The following ADAMTSL3 variants were observed in gnomAD, a reference collection of about 807,000 sequenced individuals.
The protein encoded by ADAMTSL3 is ADAMTS like 3.
In ADAMTSL3, 128 loss-of-function variants were observed where a neutral mutation model predicts 201.7. The observed-to-expected ratio is 0.63, with a 90% CI of 0.55 to 0.73. The LOEUF (loss-of-function observed/expected upper bound fraction) is 0.73, where lower values mean the gene tolerates loss of function less well. Among genes scored for constraint, ADAMTSL3 ranks in the 30% least tolerant of loss-of-function variants. ADAMTSL3 has a pLI of 0.00. For synonymous variants in ADAMTSL3, 738 were observed against 748.4 expected (o/e 0.99, Z 0.23); for missense variants, 1,990 against 2,119.6 (o/e 0.94, Z 1.20).
intron 23 of ADAMTSL3, among the ~76,000 whole-genome samples, chr15:84,001,546 A>G (rs1050303818): frequency 2.6e-5 from 4 of 152,222 alleles, no homozygotes; most frequent in African/African-American, 9.6e-5. Flanking sequence ...TGTGACTCCA[A>G]AGGAGCTAGA....
At chr15:83,845,119 A>G (rs1319419147) in intron 7 of ADAMTSL3, among the ~76,000 whole-genome samples, 2 of 152,144 alleles carry the variant, frequency 1.3e-5, no homozygotes, top group Non-Finnish European at 2.9e-5. Context: ...CTCTTTCTCA[A>G]CGTTGAGCAC....
chr15:83,749,928 C>G (rs1230832632), intron 3 of ADAMTSL3, among the ~76,000 whole-genome samples: 3 of 152,182 alleles, frequency 2.0e-5, no homozygotes, highest in Non-Finnish European at 4.4e-5. Context: ...AAGTCCCTTT[C>G]CAGATGTAAC....
At chr15:83,771,743 A>G (rs1279885715) in intron 3 of ADAMTSL3, among the ~76,000 whole-genome samples, 2 of 152,238 alleles carry the variant, frequency 1.3e-5, no homozygotes, top group Non-Finnish European at 2.9e-5. Flanking sequence ...GAGTGTGCAG[A>G]TATCTCTTTG....
chr15:83,828,434 G>A (rs553483148), intron 6 of ADAMTSL3, among the ~76,000 whole-genome samples: 2 of 152,300 alleles, frequency 1.3e-5, no homozygotes, highest in East Asian at 1.9e-4. Flanking sequence ...GGGCTGAGAC[G>A]ATGGGGTTTT....
At chr15:84,031,555 T>A in intron 28 of ADAMTSL3, 123 bp downstream of exon 28, 1 of 814,200 alleles carries the variant, frequency 1.2e-6, no homozygotes, top group Non-Finnish European at 2.0e-6. Flanking sequence ...CAGTTTTCAA[T>A]TATGATTTAT....
intron 21 of ADAMTSL3, 114 bp downstream of exon 21, chr15:83,983,458 T>G: frequency 1.2e-6 from 1 of 846,588 alleles, no homozygotes; most frequent in Non-Finnish European, 1.7e-6. Flanking sequence ...CCAACAGGAT[T>G]CTTTAGGAAA....
intron 25 of ADAMTSL3, among the ~76,000 whole-genome samples, chr15:84,020,115 T>G (rs2068170815): frequency 6.6e-6 from 1 of 152,100 alleles, no homozygotes; most frequent in South Asian, 2.1e-4. Flanking sequence ...CTTGTAAAAC[T>G]GCACACCTGA....
intron 9 of ADAMTSL3, among the ~76,000 whole-genome samples, chr15:83,875,292 A>G (rs1486190445): frequency 2.6e-5 from 4 of 152,252 alleles, no homozygotes; most frequent in African/African-American, 9.6e-5. Flanking sequence ...AATGTCATTC[A>G]TCATAGGACT....
At chr15:83,870,656 A>G in intron 8 of ADAMTSL3, 146 bp from the exon 9 acceptor site, 3 of 653,960 alleles carry the variant, frequency 4.6e-6, no homozygotes, top group Middle Eastern at 4.3e-4. Flanking sequence ...TATCTATTCC[A>G]CCAATATCAA....
chr15:83,954,103 C>G (rs1382159796), intron 19 of ADAMTSL3, among the ~76,000 whole-genome samples: 1 of 152,146 alleles, frequency 6.6e-6, no homozygotes, highest in Non-Finnish European at 1.5e-5. Context: ...TCTGATATCC[C>G]TTTGAATAAT....
intron 2 of ADAMTSL3, among the ~76,000 whole-genome samples, chr15:83,699,624 A>G (rs1225817681): frequency 2.0e-5 from 3 of 152,200 alleles, no homozygotes; most frequent in East Asian, 3.8e-4. Flanking sequence ...TCTCCTTACC[A>G]TAAGGCTTTA....
intron 19 of ADAMTSL3, among the ~76,000 whole-genome samples, chr15:83,956,475 G>C (rs1452345836): frequency 6.6e-6 from 1 of 152,110 alleles, no homozygotes; most frequent in East Asian, 1.9e-4. Flanking sequence ...GGGAGTAGGG[G>C]GATGATCAAT....
intron 7 of ADAMTSL3, among the ~76,000 whole-genome samples, chr15:83,852,151 C>T (rs754357953): frequency 1.3e-5 from 2 of 151,950 alleles, no homozygotes; most frequent in Non-Finnish European, 1.5e-5. Flanking sequence ...CTTGCTCTGT[C>T]GCCCAGGCTG....
chr15:83,657,952 ATT>A (rs1478146178), intron 2 of ADAMTSL3, among the ~76,000 whole-genome samples: 1 of 151,910 alleles, frequency 6.6e-6, no homozygotes, highest in Non-Finnish European at 1.5e-5. Context: ...GTATCTTGTG[ATT>A]TTGGTGTTTG....
chr15:83,717,116 G>C (rs1266109023), intron 3 of ADAMTSL3, among the ~76,000 whole-genome samples: 3 of 152,128 alleles, frequency 2.0e-5, no homozygotes, highest in South Asian at 2.1e-4. Context: ...ATAATACCTT[G>C]AGTGGAGACT....
chr15:83,942,701 G>A lies in ADAMTSL3; in HGVS notation c.2223G>A (p.Glu741=). 6.2e-7 allele frequency: 1 copy of A among 1,614,078 alleles called. No individual in the cohort carries two copies. Among genetic ancestry groups the A allele is most frequent in the Non-Finnish European group, 8.5e-7 (1 of 1,179,996 alleles). Residue 741 remains glutamate (E), a synonymous_variant, in exon 18 of 30, where the codon GAG becomes GAA. Coordinates refer to ENST00000286744, the MANE Select transcript of ADAMTSL3 (RefSeq NM_207517.3). The part of the protein sequence containing the change: ...LHPGETPAPP[E]ECRDEKPHAL... ...CAGGGGAGACCCCTGCCCCTCCTGA[G>A]GAGTGCCGAGATGAAAAGCCCCATG...
At chr15:83,878,338 G>T (rs897200503) in intron 9 of ADAMTSL3, among the ~76,000 whole-genome samples, 30 of 151,990 alleles carry the variant, frequency 2.0e-4, no homozygotes, top group Non-Finnish European at 3.8e-4. Flanking sequence ...GTTAGTTGCC[G>T]GGCGTGGTGG....
At chr15:83,921,022 A>G (rs1017381495) in intron 16 of ADAMTSL3, among the ~76,000 whole-genome samples, 4 of 152,228 alleles carry the variant, frequency 2.6e-5, no homozygotes, top group Middle Eastern at 3.2e-3. Context: ...GACAAAAACT[A>G]TCCATTTCAT....
Position 83,898,483 on chromosome 15 carries a change from G to C in ADAMTSL3, c.1615+478G>C, listed in dbSNP as rs1267146081. On this transcript the variant is annotated intron_variant, in intron 14 of 29. Transcript: ENST00000286744. ...GCTGGAGTATAAGATTTTTGAGGGAGGAATGATGTCATCTTTATCATGTGT... is the reference window on the plus strand; with the variant it reads ...GCTGGAGTATAAGATTTTTGAGGGACGAATGATGTCATCTTTATCATGTGT... Among the ~76,000 whole-genome samples, 6 of 152,154 alleles carry C rather than the reference G, an allele frequency of 3.9e-5. No individual in the cohort carries two copies. The South Asian group carries it at 1.2e-3, about 32-fold the overall frequency.
Sources: allele counts gnomAD v4.1 joint callset (sites outside exome capture counted in the v4.1 genomes callset), GRCh38; gene constraint gnomAD v4.1.1; transcripts MANE v1.5; gene names NCBI Gene and HGNC (gene_info 2026-07-23, HGNC 2026-07-21).